The following IL7 variants were observed in gnomAD, a reference collection of about 807,000 sequenced individuals.
The protein encoded by IL7 is interleukin-7.
In IL7, 3 loss-of-function variants were observed where a neutral mutation model predicts 21.6. The ratio of observed to expected loss-of-function variants is 0.14; its 90% CI spans 0.06 to 0.36. The LOEUF is 0.36. Among genes scored for constraint, IL7 ranks in the 10% least tolerant of loss-of-function variants. IL7 has a pLI of 1.00. For synonymous variants in IL7, 62 were observed against 68.1 expected (o/e 0.91, Z 0.44); for missense variants, 175 against 200.2 (o/e 0.87, Z 0.76).
chr8:78,779,103 G>T (rs973594772), intron 2 of IL7, among the ~76,000 whole-genome samples: 1 of 152,194 alleles, frequency 6.6e-6, no homozygotes. Flanking sequence ...TGTATTCTGA[G>T]ATTTTGCTGA....
chr8:78,759,567 C>T (rs1447709496), intron 2 of IL7, among the ~76,000 whole-genome samples: 2 of 152,124 alleles, frequency 1.3e-5, no homozygotes, highest in Admixed American at 1.3e-4. Context: ...AGATGTGGAA[C>T]AACAGCAGGC....
chr8:78,749,775 G>GA (rs972170393), intron 2 of IL7, among the ~76,000 whole-genome samples: 3 of 151,986 alleles, frequency 2.0e-5, no homozygotes, highest in Non-Finnish European at 4.4e-5. Flanking sequence ...AGGAGGAGGG[G>GA]AAAAAACTAT....
intron 1 of IL7, among the ~76,000 whole-genome samples, chr8:78,799,372 A>G (rs1813973562): frequency 6.6e-6 from 1 of 152,112 alleles, no homozygotes; most frequent in African/African-American, 2.4e-5. Flanking sequence ...CCTCCCAATA[A>G]ATCAAGTGAC....
intron 2 of IL7, among the ~76,000 whole-genome samples, chr8:78,754,782 G>A (rs574152282): frequency 6.6e-6 from 1 of 152,118 alleles, no homozygotes; most frequent in East Asian, 1.9e-4. Flanking sequence ...CATTCTATAG[G>A]TTGTCTCTCC....
chr8:78,801,864 G>A (rs946429348), intron 1 of IL7, among the ~76,000 whole-genome samples: 2 of 152,182 alleles, frequency 1.3e-5, no homozygotes, highest in East Asian at 3.9e-4. Flanking sequence ...TAGCTTGGTA[G>A]TTTGGTCCAT....
intron 3 of IL7, among the ~76,000 whole-genome samples, chr8:78,708,332 T>C (rs766842872): frequency 6.6e-6 from 1 of 152,166 alleles, no homozygotes; most frequent in Non-Finnish European, 1.5e-5. Context: ...CAAAGAGATT[T>C]ATTTTTACAC....
intron 4 of IL7, among the ~76,000 whole-genome samples, chr8:78,682,213 T>C (rs770379027): frequency 6.6e-6 from 1 of 152,158 alleles, no homozygotes; most frequent in Non-Finnish European, 1.5e-5. Context: ...CAGTTCCCAT[T>C]AAAATCAAGG....
At chr8:78,745,219 T>C (rs1335986817) in intron 2 of IL7, among the ~76,000 whole-genome samples, 3 of 152,254 alleles carry the variant, frequency 2.0e-5, no homozygotes, top group Admixed American at 2.0e-4. Flanking sequence ...TCTTTGAATT[T>C]TTAAATTACA....
intron 3 of IL7, chr8:78,711,853 C>T: frequency 2.3e-6 from 1 of 431,828 alleles, no homozygotes; most frequent in Admixed American, 3.5e-5. Context: ...GACATTAGTT[C>T]TTACCTTGAC....
At chr8:78,715,258 T>A (rs1202415415), downstream of IL7, 5 of 1,613,826 alleles carry the variant, frequency 3.1e-6, no homozygotes, top group South Asian at 5.5e-5. Context: ...ACCACCTAGT[T>A]TGGCAAGAAA....
At chr8:78,762,547 A>T in intron 2 of IL7, 1 of 484,498 alleles carries the variant, frequency 2.1e-6, no homozygotes. Flanking sequence ...GGCAGGGCCG[A>T]CGCGCGGGGG....
intron 4 of IL7, among the ~76,000 whole-genome samples, chr8:78,682,410 A>G (rs908883790): frequency 6.6e-6 from 1 of 152,174 alleles, no homozygotes; most frequent in African/African-American, 2.4e-5. Context: ...GAGGCCTCAC[A>G]TCATGGTGGA....
At chr8:78,723,290 A>T (rs943707233) in intron 3 of IL7, among the ~76,000 whole-genome samples, 2 of 151,832 alleles carry the variant, frequency 1.3e-5, no homozygotes, top group African/African-American at 4.8e-5. Flanking sequence ...ACATTTAGTG[A>T]CTATTGTGTG....
downstream of IL7, among the ~76,000 whole-genome samples, chr8:78,729,088 G>A (rs537381171): frequency 1.3e-5 from 2 of 152,014 alleles, no homozygotes; most frequent in East Asian, 3.9e-4. Flanking sequence ...TATTAAATGT[G>A]TAAATATTGC....
intron 3 of IL7, among the ~76,000 whole-genome samples, chr8:78,707,579 A>G (rs1167560703): frequency 6.6e-6 from 1 of 152,204 alleles, no homozygotes; most frequent in Non-Finnish European, 1.5e-5. Context: ...TAATTTTGTC[A>G]GTTGTGCATT....
intron 1 of IL7, among the ~76,000 whole-genome samples, chr8:78,799,729 T>C (rs772652643): frequency 1.3e-5 from 2 of 152,036 alleles, no homozygotes; most frequent in Non-Finnish European, 2.9e-5. Flanking sequence ...AGGTGCCAGG[T>C]TTGGATGCTA....
At chr8:78,719,130 T>C (rs1039118837) in intron 5 of IL7, 1 of 151,812 alleles carries the variant, frequency 6.6e-6, no homozygotes, top group Non-Finnish European at 1.5e-5. Flanking sequence ...ATTTAGAAGA[T>C]GAATGCATAT....
intron 1 of IL7, among the ~76,000 whole-genome samples, chr8:78,802,434 C>CTTT (rs1237582264): frequency 4.2e-4 from 60 of 143,480 alleles, no homozygotes; most frequent in African/African-American, 1.4e-3. Flanking sequence ...TTTTCTCTCT[C>CTTT]TTTTTTTTTT....
chr8:78,754,026 T>C (rs1812265384), intron 2 of IL7, among the ~76,000 whole-genome samples: 2 of 152,104 alleles, frequency 1.3e-5, no homozygotes, highest in African/African-American at 2.4e-5. Flanking sequence ...CTATTCAACA[T>C]AGTATTGGAA....
Sources: allele counts gnomAD v4.1 joint callset (sites outside exome capture counted in the v4.1 genomes callset), GRCh38; gene constraint gnomAD v4.1.1; transcripts MANE v1.5; gene names NCBI Gene and HGNC (gene_info 2026-07-23, HGNC 2026-07-21).